The following SLC6A12 variants were observed in gnomAD, a reference collection of about 807,000 sequenced individuals.
SLC6A12 encodes the protein solute carrier family 6 member 12.
Under a neutral mutation model 73.3 loss-of-function variants are expected in SLC6A12, and 50 were observed. That is an observed-to-expected ratio of 0.68 (90% confidence interval 0.54 to 0.86). The LOEUF is 0.86. SLC6A12 is among the 40% of genes least tolerant of loss of function. The pLI is 0.00. For synonymous variants in SLC6A12, 304 were observed against 309.2 expected (o/e 0.98, Z 0.18); for missense variants, 648 against 772.8 (o/e 0.84, Z 1.92).
At chr12:184,522 G>T in the SLC6A12 span, among the ~76,000 whole-genome samples, 1 of 152,072 alleles carries the variant, frequency 6.6e-6, no homozygotes, top group Non-Finnish European at 1.5e-5. Context: ...AGGCCGAGGC[G>T]GGCGGATCAC....
intron 3 of SLC6A12, among the ~76,000 whole-genome samples, chr12:207,849 G>A (rs1344894447): frequency 1.3e-5 from 2 of 152,170 alleles, no homozygotes; most frequent in Non-Finnish European, 2.9e-5. Context: ...AAAGATGAAA[G>A]AAAGGGTGTC....
chr12:202,509 T>C (rs1429565121), intron 5 of SLC6A12, among the ~76,000 whole-genome samples: 1 of 152,176 alleles, frequency 6.6e-6, no homozygotes, highest in Non-Finnish European at 1.5e-5. Flanking sequence ...GCAATAACCC[T>C]TGCAGTCATT....
At chr12:202,628 G>T in intron 5 of SLC6A12, 112 bp downstream of exon 5, 1 of 1,144,720 alleles carries the variant, frequency 8.7e-7, no homozygotes, top group Non-Finnish European at 1.2e-6. Flanking sequence ...CACGTGGCTT[G>T]GCTGCCAGGC....
At chr12:204,969 A>G in intron 3 of SLC6A12, 1 of 389,842 alleles carries the variant, frequency 2.6e-6, no homozygotes, top group Non-Finnish European at 4.7e-6. Context: ...TAATATATGC[A>G]CTATTTATTT....
At chr12:205,393 T>G (rs1316075556) in intron 3 of SLC6A12, among the ~76,000 whole-genome samples, 2 of 152,114 alleles carry the variant, frequency 1.3e-5, no homozygotes, top group Non-Finnish European at 2.9e-5. Flanking sequence ...GAACGCTGAG[T>G]GCTTATTTGG....
chr12:187,596 A>AAGAAG (rs1565461290), downstream of SLC6A12, among the ~76,000 whole-genome samples: 1 of 5,846 alleles, frequency 1.7e-4, no homozygotes, highest in African/African-American at 2.5e-4. Context: ...GAGCAAAAAA[A>AAGAAG]AAAAAAAAAA....
At chr12:189,719 C>T (rs957464302), downstream of SLC6A12, among the ~76,000 whole-genome samples, 3 of 152,190 alleles carry the variant, frequency 2.0e-5, no homozygotes, top group Non-Finnish European at 2.9e-5. Flanking sequence ...GCCTCCTCCT[C>T]CAGGAAGCCT....
Position 198,261 on chromosome 12 carries a change from A to C in SLC6A12, c.847-258T>G, listed in dbSNP as rs770908641. On this transcript the variant is annotated intron_variant, in intron 8 of 15. Coordinates refer to ENST00000684302, the MANE Select transcript of SLC6A12 (RefSeq NM_001122848.3). This position sits in a 1 kb window ranked among gnomAD's most constrained non-coding sequence, Gnocchi z 4.0. ...ACATGTGTGTTGCTTGGATTTCTCCAGGGGAATCTACAAACCATGGCTGCA... is the reference window on the plus strand; with the variant it reads ...ACATGTGTGTTGCTTGGATTTCTCCCGGGGAATCTACAAACCATGGCTGCA... Among the ~76,000 whole-genome samples the C allele has an allele frequency of 3.9e-5, 6 of 152,368 alleles. No individual in the cohort carries two copies. The East Asian group carries it at 7.7e-4, about 20-fold the overall frequency.
At chr12:205,489 T>G (rs983772989) in intron 3 of SLC6A12, among the ~76,000 whole-genome samples, 4 of 152,222 alleles carry the variant, frequency 2.6e-5, no homozygotes, top group African/African-American at 9.6e-5. Context: ...CAGGCTCTAC[T>G]GTTATCCCCA....
chr12:213,610 C>A lies in SLC6A12; in HGVS notation c.-143+312G>T, dbSNP rs565276244. 52 of 153,148 alleles carry A rather than the reference C, an allele frequency of 3.4e-4. No individual in the cohort carries two copies. The highest frequency in any genetic ancestry group is 6.2e-4 in the South Asian group (3 of 4,842). The allele number at this position is 153,148 out of a possible 1,614,324, so 9.5% of individuals were successfully genotyped here. ...TTGCTGGGCACCACCTGCTTCCCCT[C>A]CCCTCGTCAGATGACCACCCCTGCT... On this transcript the variant is annotated intron_variant, in intron 1 of 15. Coordinates refer to ENST00000684302, the MANE Select transcript of SLC6A12 (RefSeq NM_001122848.3). This position sits in a 1 kb window ranked among gnomAD's most constrained non-coding sequence, Gnocchi z 5.3.
chr12:196,962 G>T, intron 10 of SLC6A12, 80 bp from the exon 11 acceptor site: 1 of 894,406 alleles, frequency 1.1e-6, no homozygotes, highest in Non-Finnish European at 1.8e-6. Flanking sequence ...TAAGCACTGT[G>T]TGTGTGTGTA....
intron 4 of SLC6A12, 105 bp from the exon 5 acceptor site, chr12:202,985 CA>C: frequency 1.2e-6 from 1 of 836,668 alleles, no homozygotes; most frequent in East Asian, 2.7e-5. Context: ...GGGTGCTACA[CA>C]AAGAGCACCA....
chr12:184,110 T>C, the SLC6A12 span, among the ~76,000 whole-genome samples: 1 of 152,148 alleles, frequency 6.6e-6, no homozygotes, highest in Admixed American at 6.5e-5. Context: ...AAATATGCCA[T>C]AACCAAGTAG....
chr12:192,399 C>T (rs576360403), intron 15 of SLC6A12, 79 bp downstream of exon 15: 13 of 1,303,778 alleles, frequency 1.0e-5, no homozygotes, highest in South Asian at 3.8e-5. Flanking sequence ...GCTCCCTGGC[C>T]CCAGTTGTGT....
At position 197,429 on chromosome 12, in the gene SLC6A12, C is replaced by A. The variant is rs1237091702; in HGVS notation, c.1023G>T (p.Leu341=). ...CCCCTTGCTCTTGGGACATGAAGCC[C>A]AGGATGGAGAAGACAACAAACCCAG... ...FVAGFVVFSI[L]GFMSQEQGVP... is the part of the protein sequence containing the mutation. Residue 341 remains leucine, a synonymous_variant, in exon 10 of 16, where the codon CTG becomes CTT. Transcript: ENST00000684302. 1.2e-6 allele frequency: 2 copies of A among 1,613,722 alleles called. No individual in the cohort carries two copies. The highest frequency in any genetic ancestry group is 1.7e-6 in the Non-Finnish European group (2 of 1,179,912).
At chr12:200,928 G>A (rs1490584051) in intron 6 of SLC6A12, 145 bp from the exon 7 acceptor site, 5 of 755,104 alleles carry the variant, frequency 6.6e-6, no homozygotes, top group East Asian at 2.7e-5. Flanking sequence ...CCCACAGTCA[G>A]GCCATGTTCC....
At chr12:203,922 C>T (rs996272027) in intron 4 of SLC6A12, 1 of 152,464 alleles carries the variant, frequency 6.6e-6, no homozygotes, top group African/African-American at 2.4e-5. Flanking sequence ...CAGCACAGCG[C>T]GGTGCACGCG....
At chr12:210,103 C>T (rs1049815707) in intron 2 of SLC6A12, 60 bp from the exon 3 acceptor site, 6 of 1,477,494 alleles carry the variant, frequency 4.1e-6, no homozygotes, top group Admixed American at 4.4e-5. Context: ...GCCCTGCTTT[C>T]CCATCCCGAT....
downstream of SLC6A12, among the ~76,000 whole-genome samples, chr12:185,630 T>C (rs970995065): frequency 1.8e-4 from 27 of 152,340 alleles, no homozygotes; most frequent in African/African-American, 6.0e-4. Flanking sequence ...GACTCAGCCT[T>C]GGCAGGGAGC....
Sources: allele counts gnomAD v4.1 joint callset (sites outside exome capture counted in the v4.1 genomes callset), GRCh38; gene constraint gnomAD v4.1.1; non-coding constraint Gnocchi (gnomAD v3.1); transcripts MANE v1.5; gene names NCBI Gene and HGNC (gene_info 2026-07-23, HGNC 2026-07-21).